KCNC2: variants seen among roughly 807,000 people sequenced by gnomAD.
KCNC2 encodes the protein potassium voltage-gated channel subfamily C member 2.
KCNC2 carries 21 observed loss-of-function variants against 44.5 expected under a neutral mutation model. The observed-to-expected ratio is 0.47, with a 90% CI of 0.33 to 0.68. The LOEUF is 0.68. KCNC2 is among the 30% of genes least tolerant of loss of function. KCNC2 has a pLI of 0.01. For synonymous variants in KCNC2, 391 were observed against 339.1 expected (o/e 1.15, Z -1.68); for missense variants, 589 against 826.2 (o/e 0.71, Z 3.52).
chr12:75,128,961 T>C (rs181020947), intron 2 of KCNC2, among the ~76,000 whole-genome samples: 22 of 152,320 alleles, frequency 1.4e-4, no homozygotes, highest in Middle Eastern at 3.4e-3. Context: ...AATAGGAACA[T>C]ATTCTTTACT....
At chr12:75,086,641 A>G (rs1885019872) in intron 2 of KCNC2, among the ~76,000 whole-genome samples, 1 of 139,774 alleles carries the variant, frequency 7.2e-6, no homozygotes, top group East Asian at 2.1e-4. Context: ...GTAGTCCCAT[A>G]AAAAGCAAGT....
At chr12:75,209,040 T>C (rs1282942166) in intron 1 of KCNC2, among the ~76,000 whole-genome samples, 167 bp downstream of exon 1, 1 of 152,076 alleles carries the variant, frequency 6.6e-6, no homozygotes, top group Non-Finnish European at 1.5e-5. Context: ...GCTGAAAGTC[T>C]CGCTGACAGT....
intron 2 of KCNC2, among the ~76,000 whole-genome samples, chr12:75,146,620 C>A (rs905155285): frequency 1.3e-5 from 2 of 152,188 alleles, no homozygotes; most frequent in African/African-American, 2.4e-5. Flanking sequence ...TGTGCAAGTG[C>A]ATGAATTTCT....
intron 2 of KCNC2, among the ~76,000 whole-genome samples, chr12:75,142,348 A>C (rs896145946): frequency 6.6e-6 from 1 of 152,228 alleles, no homozygotes; most frequent in African/African-American, 2.4e-5. Context: ...CAGACTTGTC[A>C]TTTACAAGTC....
intron 2 of KCNC2, among the ~76,000 whole-genome samples, chr12:75,066,720 A>G (rs1882866384): frequency 6.6e-6 from 1 of 152,200 alleles, no homozygotes; most frequent in African/African-American, 2.4e-5. Context: ...TTACTAATGA[A>G]TTACAAATAA....
intron 2 of KCNC2, among the ~76,000 whole-genome samples, chr12:75,161,431 C>T (rs948854688): frequency 2.6e-5 from 4 of 151,700 alleles, no homozygotes; most frequent in African/African-American, 7.3e-5. Flanking sequence ...TCAAATGTTG[C>T]ACTCTGATTG....
intron 2 of KCNC2, among the ~76,000 whole-genome samples, chr12:75,202,929 G>A (rs2031404335): frequency 6.6e-6 from 1 of 151,296 alleles, no homozygotes; most frequent in South Asian, 2.1e-4. Context: ...CTCATTGAAG[G>A]CAAAGGATTA....
intron 2 of KCNC2, among the ~76,000 whole-genome samples, chr12:75,134,185 T>C (rs563841912): frequency 6.6e-6 from 1 of 152,018 alleles, no homozygotes; most frequent in South Asian, 2.1e-4. Context: ...CACTTAAATA[T>C]GTATAGCTAA....
intron 2 of KCNC2, among the ~76,000 whole-genome samples, chr12:75,155,272 G>A (rs952040657): frequency 2.0e-5 from 3 of 151,888 alleles, no homozygotes; most frequent in Non-Finnish European, 4.4e-5. Context: ...TGCCTGTGAT[G>A]AATTCAAGTT....
chr12:75,208,146 A>C, intron 1 of KCNC2, 144 bp from the exon 2 acceptor site: 1 of 870,000 alleles, frequency 1.1e-6, no homozygotes, highest in Non-Finnish European at 1.7e-6. Flanking sequence ...GGAGGGGATC[A>C]GCGTCCAGCG....
chr12:75,049,825 A>G (rs982139688), intron 3 of KCNC2, among the ~76,000 whole-genome samples: 1 of 152,018 alleles, frequency 6.6e-6, no homozygotes, highest in East Asian at 1.9e-4. Context: ...AATTTAATCA[A>G]TCCTCCAGGA....
At chr12:75,177,057 T>C (rs868604205) in intron 2 of KCNC2, among the ~76,000 whole-genome samples, 288 of 127,288 alleles carry the variant, frequency 2.3e-3, no homozygotes, top group African/African-American at 6.2e-3. Context: ...TATATATATA[T>C]ACACACACAC....
chr12:75,183,182 C>T (rs960261388), intron 2 of KCNC2, among the ~76,000 whole-genome samples: 1 of 152,328 alleles, frequency 6.6e-6, no homozygotes, highest in East Asian at 1.9e-4. Context: ...TGAAAGGAGT[C>T]ACTCCACTAC....
rs925181782 is a variant in KCNC2, at chr12:75,042,782, C to A, written c.*323G>T. On this transcript the variant is annotated 3_prime_UTR_variant, in exon 5 of 5. Transcript: ENST00000549446. ...GAAGTGGTTGGCATTTGGAAGCACACTGTTTTAAATATATCTCCCTGAAGG... is the reference window on the plus strand; with the variant it reads ...GAAGTGGTTGGCATTTGGAAGCACAATGTTTTAAATATATCTCCCTGAAGG... The A allele has an allele frequency of 3.4e-6, 4 of 1,160,346 alleles. No individual in the cohort carries two copies. Among genetic ancestry groups the A allele is most frequent in the Non-Finnish European group, 4.2e-6 (4 of 941,204 alleles). 71.9% of individuals were successfully genotyped at this position (1,160,346 alleles called of 1,614,324 possible). A position where few individuals can be genotyped will look rare whatever the true frequency, so the allele number is the denominator to read the frequency against.
At chr12:75,059,345 A>C (rs528148997) in intron 2 of KCNC2, among the ~76,000 whole-genome samples, 1 of 152,194 alleles carries the variant, frequency 6.6e-6, no homozygotes, top group East Asian at 1.9e-4. Flanking sequence ...GTTTTGTAGT[A>C]ATACTAAAAT....
chr12:75,199,212 T>C (rs2031033157), intron 2 of KCNC2, among the ~76,000 whole-genome samples: 1 of 151,836 alleles, frequency 6.6e-6, no homozygotes, highest in African/African-American at 2.4e-5. Context: ...TTTTTAAAGA[T>C]GTCTACAGCA....
chr12:75,156,738 A>G (rs1210782751), intron 2 of KCNC2, among the ~76,000 whole-genome samples: 1 of 151,888 alleles, frequency 6.6e-6, no homozygotes, highest in African/African-American at 2.4e-5. Context: ...TTCTACCCAG[A>G]TAACTCTAAC....
chr12:75,081,611 C>G (rs1304453744), intron 2 of KCNC2, among the ~76,000 whole-genome samples: 2 of 152,020 alleles, frequency 1.3e-5, no homozygotes, highest in African/African-American at 4.8e-5. Flanking sequence ...TGATTCACTT[C>G]TTGTAATAAA....
intron 2 of KCNC2, among the ~76,000 whole-genome samples, chr12:75,147,838 C>T (rs908489325): frequency 1.3e-5 from 2 of 152,102 alleles, no homozygotes; most frequent in East Asian, 3.9e-4. Flanking sequence ...AGGTACACAA[C>T]AGTTAGTGAT....
Sources: allele counts gnomAD v4.1 joint callset (sites outside exome capture counted in the v4.1 genomes callset), GRCh38; gene constraint gnomAD v4.1.1; transcripts MANE v1.5; gene names NCBI Gene and HGNC (gene_info 2026-07-23, HGNC 2026-07-21).